The following EVI5 variants were observed in gnomAD, a reference collection of about 807,000 sequenced individuals.
The protein encoded by EVI5 is ecotropic viral integration site 5 protein homolog.
In EVI5, 73 loss-of-function variants were observed where a neutral mutation model predicts 112.0. The ratio of observed to expected loss-of-function variants is 0.65; its 90% CI spans 0.54 to 0.79. EVI5 has a LOEUF of 0.79. EVI5 is among the 30% of genes least tolerant of loss of function. The probability of loss-of-function intolerance (pLI) is 0.00; values close to 1 mark genes in which losing one functional copy is unlikely to be tolerated. For synonymous variants in EVI5, 305 were observed against 319.9 expected, an observed-to-expected ratio of 0.95 and a Z score of 0.50; for missense variants, 900 against 968.8, an observed-to-expected ratio of 0.93 and a Z score of 0.94.
chr1:92,756,788 C>A (rs1224539721), intron 1 of EVI5: 2 of 515,028 alleles, frequency 3.9e-6, no homozygotes, highest in Non-Finnish European at 7.9e-6. Context: ...CAGATGTGTC[C>A]TCCTGGCTTC....
chr1:92,739,979 A>G (rs1678104527), intron 1 of EVI5, among the ~76,000 whole-genome samples: 1 of 151,590 alleles, frequency 6.6e-6, no homozygotes, highest in South Asian at 2.1e-4. Flanking sequence ...TACCTTTAAA[A>G]AAAAAAAAAA....
intron 6 of EVI5, among the ~76,000 whole-genome samples, 180 bp downstream of exon 6, chr1:92,697,678 GAT>G (rs1018193228): frequency 1.4e-4 from 21 of 152,272 alleles, no homozygotes; most frequent in African/African-American, 4.6e-4. Flanking sequence ...CCTAGACTGT[GAT>G]CTACCTAATT....
intron 18 of EVI5, among the ~76,000 whole-genome samples, chr1:92,563,962 A>T (rs888802410): frequency 1.3e-5 from 2 of 152,172 alleles, no homozygotes; most frequent in African/African-American, 4.8e-5. Context: ...CTTGTTGCCC[A>T]GGCTGGATGG....
intron 14 of EVI5, among the ~76,000 whole-genome samples, chr1:92,630,491 C>A (rs1399179083): frequency 2.6e-5 from 4 of 152,170 alleles, no homozygotes; most frequent in Non-Finnish European, 5.9e-5. Flanking sequence ...TGTTCATATC[C>A]TTCACCCACT....
At chr1:92,620,459 A>C (rs1236313345) in intron 16 of EVI5, among the ~76,000 whole-genome samples, 1 of 151,764 alleles carries the variant, frequency 6.6e-6, no homozygotes. Context: ...GAGAAAAAAA[A>C]ACCCAGATCT....
intron 16 of EVI5, among the ~76,000 whole-genome samples, chr1:92,616,584 C>T (rs2101696912): frequency 6.6e-6 from 1 of 152,186 alleles, no homozygotes; most frequent in East Asian, 1.9e-4. Context: ...CAGAAAACTT[C>T]TAGGTCAAAT....
At chr1:92,534,640 A>G (rs1042195071) in intron 19 of EVI5, among the ~76,000 whole-genome samples, 1 of 152,214 alleles carries the variant, frequency 6.6e-6, no homozygotes, top group African/African-American at 2.4e-5. Context: ...ATGTACAACC[A>G]TGTGATCTTT....
At chr1:92,621,815 A>G (rs184011190) in intron 16 of EVI5, among the ~76,000 whole-genome samples, 5 of 152,332 alleles carry the variant, frequency 3.3e-5, no homozygotes, top group Admixed American at 2.6e-4. Context: ...AATGTAGTAC[A>G]ATTTATCTTA....
intron 1 of EVI5, among the ~76,000 whole-genome samples, chr1:92,748,096 C>G (rs989751421): frequency 5.3e-5 from 8 of 152,278 alleles, no homozygotes; most frequent in Middle Eastern, 3.4e-3. Context: ...TGTAACACGG[C>G]CACATTTCCT....
chr1:92,605,033 G>A (rs1557882796), intron 18 of EVI5, among the ~76,000 whole-genome samples: 1 of 152,164 alleles, frequency 6.6e-6, no homozygotes, highest in African/African-American at 2.4e-5. Context: ...AGTGTTTAAT[G>A]GGCAAAGAGG....
chr1:92,602,405 T>A (rs75934781), intron 18 of EVI5, among the ~76,000 whole-genome samples: 9,653 of 145,498 alleles, frequency 0.066, 889 homozygotes, highest in African/African-American at 0.23. Flanking sequence ...ATTAAAAAAA[T>A]TTTTTTTTGA....
intron 2 of EVI5, among the ~76,000 whole-genome samples, chr1:92,714,882 C>T (rs991383666): frequency 6.6e-6 from 1 of 152,116 alleles, no homozygotes; most frequent in Non-Finnish European, 1.5e-5. Flanking sequence ...TGAACCACTG[C>T]ACCTAACCTT....
At chr1:92,612,993 T>C (rs1401135897) in intron 16 of EVI5, among the ~76,000 whole-genome samples, 1 of 152,160 alleles carries the variant, frequency 6.6e-6, no homozygotes, top group Non-Finnish European at 1.5e-5. Context: ...CACAAAAGAC[T>C]GGTGAGTCTT....
intron 18 of EVI5, chr1:92,580,576 A>G: frequency 5.4e-6 from 1 of 185,928 alleles, no homozygotes; most frequent in Non-Finnish European, 1.2e-5. Flanking sequence ...TTCATCACCA[A>G]AGTCATTAGG....
chr1:92,509,806 T>A lies in EVI5; in HGVS notation c.*3850A>T, dbSNP rs1221957647. The A allele has an allele frequency of 6.6e-6, 1 of 152,230 alleles. No homozygotes were observed. The highest frequency in any genetic ancestry group is 1.5e-5 in the Non-Finnish European group (1 of 68,038). 9.4% of individuals were successfully genotyped at this position (152,230 alleles called of 1,614,324 possible). On this transcript the variant is annotated 3_prime_UTR_variant, in exon 20 of 20. Coordinates refer to ENST00000684568, the MANE Select transcript of EVI5 (RefSeq NM_001350197.2). ...ATGGCAATGACACCAGGAAGGTAAC[T>A]GTCCCAAGGGAGCAAGCTTTCTTAT... is the stretch of plus-strand genomic sequence containing the variant.
intron 16 of EVI5, among the ~76,000 whole-genome samples, chr1:92,614,834 TATA>T (rs1193118209): frequency 3.9e-5 from 1 of 25,768 alleles, no homozygotes; most frequent in Non-Finnish European, 6.6e-5. Flanking sequence ...TATTTTATGT[TATA>T]TTTTATATAT....
chr1:92,672,006 T>G (rs1665966218), intron 10 of EVI5, among the ~76,000 whole-genome samples: 1 of 152,006 alleles, frequency 6.6e-6, no homozygotes, highest in African/African-American at 2.4e-5. Flanking sequence ...GGGCCCACTA[T>G]GTTGCCCAGG....
chr1:92,691,866 G>A (rs551767026), intron 9 of EVI5, among the ~76,000 whole-genome samples: 1 of 152,290 alleles, frequency 6.6e-6, no homozygotes, highest in Non-Finnish European at 1.5e-5. Context: ...TAGGAATAAG[G>A]TAATCTGGTG....
At chr1:92,569,357 A>C (rs902773843) in intron 18 of EVI5, among the ~76,000 whole-genome samples, 1 of 152,202 alleles carries the variant, frequency 6.6e-6, no homozygotes, top group Non-Finnish European at 1.5e-5. Flanking sequence ...ATTTGTTACA[A>C]AAGTCTATGT....
Sources: gnomAD v4.1 joint callset for allele counts (sites outside exome capture counted in the v4.1 genomes callset) on GRCh38, gnomAD v4.1.1 for gene constraint, MANE v1.5 for transcripts, NCBI Gene and HGNC (gene_info 2026-07-23, HGNC 2026-07-21) for gene names.